The following KIAA1549L variants were observed in gnomAD, a reference collection of about 807,000 sequenced individuals.
KIAA1549L encodes UPF0606 protein KIAA1549L.
In KIAA1549L, 88 loss-of-function variants were observed where a neutral mutation model predicts 160.7. The ratio of observed to expected loss-of-function variants is 0.55; its 90% CI spans 0.46 to 0.65. The LOEUF (loss-of-function observed/expected upper bound fraction) is 0.65, where lower values mean the gene tolerates loss of function less well. Among genes scored for constraint, KIAA1549L ranks in the 30% least tolerant of loss-of-function variants. The pLI is 0.00. For missense variants in KIAA1549L, 2,258 were observed against 2,437.5 expected (o/e 0.93, Z 1.55); for synonymous variants, 950 against 976.7 (o/e 0.97, Z 0.51).
intron 16 of KIAA1549L, among the ~76,000 whole-genome samples, chr11:33,634,881 TG>T (rs1851397082): frequency 6.6e-6 from 1 of 152,198 alleles, no homozygotes; most frequent in Non-Finnish European, 1.5e-5. Flanking sequence ...CTCATAGCCC[TG>T]GAGTGATCGT....
chr11:33,607,413 T>C (rs1269530767), intron 14 of KIAA1549L, among the ~76,000 whole-genome samples: 1 of 152,188 alleles, frequency 6.6e-6, no homozygotes, highest in Non-Finnish European at 1.5e-5. Flanking sequence ...GATGATTTCA[T>C]CAAAGAAAAT....
At chr11:33,525,430 C>T (rs1002352015) in intron 1 of KIAA1549L, among the ~76,000 whole-genome samples, 1 of 152,122 alleles carries the variant, frequency 6.6e-6, no homozygotes, top group Non-Finnish European at 1.5e-5. Flanking sequence ...TAGTCCCTAG[C>T]TTGAGCCCAG....
chr11:33,674,000 A>G lies in KIAA1549L; in HGVS notation c.*5846A>G, dbSNP rs931483997. On this transcript the variant is annotated 3_prime_UTR_variant, in exon 21 of 21. Transcript: ENST00000658780. ...TGTTATTTTAATGCTTCGCTTTCTA[A>G]TGAACTTTGTACGTCCTTAGCCTCT... 5.9e-5 allele frequency: 9 copies of G among 152,208 alleles called. No homozygotes were observed. The highest frequency in any genetic ancestry group is 2.2e-4 in the African/African-American group (9 of 41,454). 9.4% of individuals were successfully genotyped at this position (152,208 alleles called of 1,614,324 possible).
intron 1 of KIAA1549L, among the ~76,000 whole-genome samples, chr11:33,388,050 A>T (rs1336917691): frequency 6.6e-6 from 1 of 152,212 alleles, no homozygotes; most frequent in African/African-American, 2.4e-5. Context: ...ATTAAATTCA[A>T]GCAATACTCA....
intron 7 of KIAA1549L, 21 bp downstream of exon 7, chr11:33,559,932 G>A: frequency 1.2e-6 from 2 of 1,608,624 alleles, no homozygotes; most frequent in East Asian, 4.5e-5. Context: ...CCATGCCTAT[G>A]GGGACCCCAG....
intron 3 of KIAA1549L, among the ~76,000 whole-genome samples, chr11:33,546,401 AC>A (rs1434759322): frequency 1.3e-5 from 2 of 152,120 alleles, no homozygotes; most frequent in African/African-American, 2.4e-5. Flanking sequence ...GAAGTTGGAA[AC>A]ATTCTCTTCT....
chr11:33,552,653 AAC>A (rs761358417), intron 6 of KIAA1549L, among the ~76,000 whole-genome samples: 14,392 of 131,238 alleles, frequency 0.11, 873 homozygotes, highest in Admixed American at 0.17. Flanking sequence ...GACACATGCC[AAC>A]ACACACACAC....
intron 1 of KIAA1549L, among the ~76,000 whole-genome samples, chr11:33,379,980 G>A (rs1035209951): frequency 2.6e-5 from 4 of 152,254 alleles, no homozygotes; most frequent in East Asian, 3.8e-4. Context: ...TGTGATCAGA[G>A]CTAATGAGGG....
At chr11:33,388,342 G>C (rs548155550) in intron 1 of KIAA1549L, among the ~76,000 whole-genome samples, 1 of 151,882 alleles carries the variant, frequency 6.6e-6, no homozygotes, top group South Asian at 2.1e-4. Flanking sequence ...GAAGAATAGC[G>C]TAGGGGTAAC....
chr11:33,640,338 C>T (rs986080256), intron 16 of KIAA1549L, among the ~76,000 whole-genome samples: 3 of 152,188 alleles, frequency 2.0e-5, no homozygotes, highest in Non-Finnish European at 4.4e-5. Context: ...GTAAAACTTT[C>T]TAAATTCCCT....
chr11:33,587,874 A>G (rs1312107198), intron 11 of KIAA1549L, among the ~76,000 whole-genome samples: 1 of 152,206 alleles, frequency 6.6e-6, no homozygotes, highest in East Asian at 1.9e-4. Context: ...CAGACAGGCC[A>G]GGAGTGTTGC....
intron 18 of KIAA1549L, among the ~76,000 whole-genome samples, chr11:33,656,954 C>T (rs1852086363): frequency 6.6e-6 from 1 of 152,204 alleles, no homozygotes; most frequent in Admixed American, 6.5e-5. Flanking sequence ...CCTTGCCCCT[C>T]CAGCCCCTGT....
chr11:33,408,481 GTA>G (rs1850715056), intron 1 of KIAA1549L, among the ~76,000 whole-genome samples: 1 of 110,962 alleles, frequency 9.0e-6, no homozygotes, highest in South Asian at 2.8e-4. Flanking sequence ...TACATACTCT[GTA>G]TATGTGTATA....
At chr11:33,646,665 C>A (rs935770267) in intron 17 of KIAA1549L, among the ~76,000 whole-genome samples, 2 of 152,228 alleles carry the variant, frequency 1.3e-5, no homozygotes, top group Non-Finnish European at 2.9e-5. Context: ...TGCAACCTTA[C>A]ACACACACAA....
chr11:33,586,208 G>A (rs113968989), intron 11 of KIAA1549L, among the ~76,000 whole-genome samples: 3 of 152,212 alleles, frequency 2.0e-5, no homozygotes, highest in Admixed American at 6.5e-5. Context: ...TGGGGACATC[G>A]CTGCATCTTT....
chr11:33,451,513 C>T (rs1474845684), intron 1 of KIAA1549L, among the ~76,000 whole-genome samples: 1 of 152,204 alleles, frequency 6.6e-6, no homozygotes, highest in African/African-American at 2.4e-5. Flanking sequence ...CTATTTATTG[C>T]ACACACTGGG....
chr11:33,598,818 A>G lies in KIAA1549L; in HGVS notation c.4752-2A>G. ...CTCCCCTGTTGCTATGGTTACCTCC[A>G]GCAGGTCGCCCAGTGAGAATGGCTC... On this transcript the variant is annotated splice_acceptor_variant, in intron 12 of 20. Coordinates refer to ENST00000658780, the MANE Select transcript of KIAA1549L (RefSeq NM_012194.3). LOFTEE classifies it high-confidence loss of function. The G allele has an allele frequency of 6.2e-7, 1 of 1,613,914 alleles. No homozygotes were observed. The highest frequency in any genetic ancestry group is 8.5e-7 in the Non-Finnish European group (1 of 1,179,824).
At chr11:33,534,165 G>A (rs10437588) in intron 1 of KIAA1549L, among the ~76,000 whole-genome samples, 30,425 of 151,784 alleles carry the variant, frequency 0.2, 3,318 homozygotes, top group East Asian at 0.35. Flanking sequence ...TCACTGCAAC[G>A]TCTGCCTCCC....
chr11:33,551,866 A>G (rs886555642), intron 5 of KIAA1549L, among the ~76,000 whole-genome samples: 3 of 152,066 alleles, frequency 2.0e-5, no homozygotes, highest in Non-Finnish European at 4.4e-5. Flanking sequence ...ATCAAATAAA[A>G]TCATAAAATC....
Sources: allele counts gnomAD v4.1 joint callset (sites outside exome capture counted in the v4.1 genomes callset), GRCh38; gene constraint gnomAD v4.1.1; transcripts MANE v1.5; gene names NCBI Gene and HGNC (gene_info 2026-07-23, HGNC 2026-07-21).